SHARPIN: variants seen among roughly 807,000 people sequenced by gnomAD.
SHARPIN encodes the protein hSIPL1.
SHARPIN carries 25 observed loss-of-function variants against 40.3 expected under a neutral mutation model. The ratio of observed to expected loss-of-function variants is 0.62; its 90% CI spans 0.45 to 0.87. The LOEUF is 0.87. Ranked by LOEUF, SHARPIN falls within the 40% of genes least tolerant of loss-of-function variation. SHARPIN has a pLI of 0.00. For synonymous variants in SHARPIN, 274 were observed against 221.8 expected (o/e 1.24, Z -2.09); for missense variants, 551 against 516.1 (o/e 1.07, Z -0.66).
Position 144,103,072 on chromosome 8 carries a change from C to T in SHARPIN, c.355G>A (p.Ala119Thr), listed in dbSNP as rs751182815. The T allele has an allele frequency of 5.0e-6, 8 of 1,612,756 alleles. No individual in the cohort carries two copies. In the East Asian group the frequency reaches 1.1e-4, roughly 22 times the overall value. ...TGACCATTCTGTCCTTCCACGGTGG[C>T]ACCTCGGACTAGGACTGCCCACCGC... ...AQRWAVLVRG[A>T]TVEGQNGSKS... Residue 119 changes from alanine to threonine, a missense_variant, in exon 2 of 9, where the codon GCC (alanine) becomes ACC (threonine). Ala to Thr is a moderately conservative substitution (Grantham distance 58). Coordinates refer to ENST00000398712, the MANE Select transcript of SHARPIN (RefSeq NM_030974.4).
Position 144,099,211 on chromosome 8 carries a change from G to C in SHARPIN, c.923-6C>G, listed in dbSNP as rs1219925866. The stretch of plus-strand genomic sequence containing the variant: ...CTGAGGGCTAGGTCCTGTGGCTGAG[G>C]GGGTGGAGCTCAGGACTGTGGGGCT... On this transcript the variant is annotated splice_polypyrimidine_tract_variant and splice_region_variant and intron_variant, in intron 6 of 8. Transcript: ENST00000398712. 11 of 1,607,660 alleles carry C rather than the reference G, an allele frequency of 6.8e-6. No individual in the cohort carries two copies. Among genetic ancestry groups the C allele is most frequent in the East Asian group, 2.2e-5 (1 of 44,854 alleles).
At chr8:144,099,675 A>T in intron 4 of SHARPIN, 28 bp downstream of exon 4, 1 of 1,613,166 alleles carries the variant, frequency 6.2e-7, no homozygotes, top group Admixed American at 1.7e-5. Flanking sequence ...TCACGAGGAC[A>T]AGGTGAAGAA....
chr8:144,100,072 A>G lies in SHARPIN; in HGVS notation c.377-3T>C. Reference sequence around the variant, plus strand: ...TGGTGGTGAGTTGCTCTTGCTGCCTAGAGGTAAGATATGGGTGTGCTGTGC... The same window carrying G: ...TGGTGGTGAGTTGCTCTTGCTGCCTGGAGGTAAGATATGGGTGTGCTGTGC... On this transcript the variant is annotated splice_region_variant and splice_polypyrimidine_tract_variant and intron_variant, in intron 2 of 8. Coordinates refer to ENST00000398712, the MANE Select transcript of SHARPIN (RefSeq NM_030974.4). 6.4e-7 allele frequency: 1 copy of G among 1,568,444 alleles called. No homozygotes were observed. Among genetic ancestry groups the G allele is most frequent in the Non-Finnish European group, 8.6e-7 (1 of 1,157,848 alleles).
At chr8:144,102,798 A>C in intron 2 of SHARPIN, 1 of 611,486 alleles carries the variant, frequency 1.6e-6, no homozygotes, top group Non-Finnish European at 2.9e-6. Flanking sequence ...CTGAGGGTTA[A>C]GGAAGTGCAG....
chr8:144,103,503 G>A (rs996504715), intron 1 of SHARPIN, 50 bp downstream of exon 1: 13 of 1,513,690 alleles, frequency 8.6e-6, no homozygotes, highest in African/African-American at 1.4e-5. Flanking sequence ...TGGGCTCCGT[G>A]CCCTGCCCGG....
chr8:144,103,293 A>C, intron 1 of SHARPIN, 68 bp from the exon 2 acceptor site: 1 of 1,499,934 alleles, frequency 6.7e-7, no homozygotes, highest in Non-Finnish European at 9.0e-7. Context: ...GCAAAGAAAT[A>C]CAAGGTAACA....
chr8:144,099,919 C>T lies in SHARPIN; in HGVS notation c.517+10G>A, dbSNP rs200698932. ...CCCCGAACCCCCCAACCCCCTCCCCCCACCTGTACCTCTCTCCGTCAAGTT... is the reference window on the plus strand; with the variant it reads ...CCCCGAACCCCCCAACCCCCTCCCCTCACCTGTACCTCTCTCCGTCAAGTT... On this transcript the variant is annotated intron_variant, in intron 3 of 8. Coordinates refer to ENST00000398712, the MANE Select transcript of SHARPIN (RefSeq NM_030974.4). The T allele has an allele frequency of 3.1e-6, 5 of 1,609,672 alleles. No individual in the cohort carries two copies. The highest frequency in any genetic ancestry group is 1.3e-5 in the African/African-American group (1 of 74,890).
intron 2 of SHARPIN, among the ~76,000 whole-genome samples, chr8:144,101,684 G>A (rs545587657): frequency 4.2e-4 from 62 of 149,306 alleles, no homozygotes; most frequent in African/African-American, 1.4e-3. Flanking sequence ...CCAAAGTGCT[G>A]TGATTACAGG....
chr8:144,103,442 G>T, intron 1 of SHARPIN, 111 bp downstream of exon 1: 1 of 1,227,680 alleles, frequency 8.1e-7, no homozygotes, highest in Non-Finnish European at 1.1e-6. Context: ...CAGAAGCAAA[G>T]AAACATAACT....
At chr8:144,102,275 C>CTTTT (rs11433813) in intron 2 of SHARPIN, among the ~76,000 whole-genome samples, 5 of 136,686 alleles carry the variant, frequency 3.7e-5, no homozygotes, top group African/African-American at 1.1e-4. Flanking sequence ...ATTCCATCTT[C>CTTTT]TTTTTTTTTT....
rs1442312912 is a variant in SHARPIN at position 144,099,550 on chromosome 8, T to G, written c.728A>C (p.Gln243Pro). Residue 243 changes from glutamine (Q) to proline (P), a missense_variant, in exon 5 of 9, where the codon CAG (glutamine) becomes CCG (proline). Transcript: ENST00000398712. ...SAASSAHVAL[Q>P]VHPHCTVAAL... ...TGCAACAGTGCAGTGGGGGTGGACC[T>G]GCAGGGCAACGTGTGCAGAGGACGC... 6.2e-7 allele frequency: 1 copy of G among 1,614,066 alleles called. No homozygotes were observed. The highest frequency in any genetic ancestry group is 8.5e-7 in the Non-Finnish European group (1 of 1,179,998).
chr8:144,101,975 G>A (rs1345661383), intron 2 of SHARPIN, among the ~76,000 whole-genome samples: 1 of 152,268 alleles, frequency 6.6e-6, no homozygotes, highest in East Asian at 1.9e-4. Flanking sequence ...CTACCCCTCT[G>A]GCAGCTCTGC....
At position 144,099,698 on chromosome 8, in the gene SHARPIN, C is replaced by A. The variant is rs1279060711; in HGVS notation, c.659+5G>T. 1 of 1,613,486 alleles carries A rather than the reference C, an allele frequency of 6.2e-7. No individual in the cohort carries two copies. Among genetic ancestry groups the A allele is most frequent in the African/African-American group, 1.3e-5 (1 of 74,922 alleles). On this transcript the variant is annotated splice_donor_5th_base_variant and intron_variant, in intron 4 of 8. Coordinates refer to ENST00000398712, the MANE Select transcript of SHARPIN (RefSeq NM_030974.4). ...ACAAGGTGAAGAAGCAGCCCCAGGC[C>A]TCACCTGATGGGGCCAGGTGGGAAG...
chr8:144,099,488 G>T (rs1422386268), intron 5 of SHARPIN, 22 bp downstream of exon 5: 1 of 1,610,594 alleles, frequency 6.2e-7, no homozygotes, highest in Admixed American at 1.7e-5. Context: ...CCCTGGCAGG[G>T]CTCCCCAGAC....
intron 2 of SHARPIN, among the ~76,000 whole-genome samples, chr8:144,101,325 C>A (rs1443994099): frequency 6.6e-6 from 1 of 151,770 alleles, no homozygotes; most frequent in African/African-American, 2.4e-5. Context: ...CAGCCTAGAA[C>A]CCCTGGGCTC....
At position 144,103,210 on chromosome 8, in the gene SHARPIN, G is replaced by A. The variant is rs1338229587; in HGVS notation, c.217C>T (p.Pro73Ser). The A allele has an allele frequency of 2.5e-6, 4 of 1,608,516 alleles. No individual in the cohort carries two copies. The highest frequency in any genetic ancestry group is 2.2e-5 in the East Asian group (1 of 44,816). Reference protein sequence around the residue: ...AGPGAVNLEWPLESVSYTIRG... With the variant: ...AGPGAVNLEWSLESVSYTIRG... ...ATGGTGTAGGAAACTGACTCCAGGGGCCACTCCAAATTAACCTGAGAAGAG... is the reference window on the plus strand; with the variant it reads ...ATGGTGTAGGAAACTGACTCCAGGGACCACTCCAAATTAACCTGAGAAGAG... Residue 73 changes from proline (P) to serine (S), a missense_variant, in exon 2 of 9, where the codon CCC becomes TCC. Pro to Ser is a moderately conservative substitution (Grantham distance 74). Coordinates refer to ENST00000398712, the MANE Select transcript of SHARPIN (RefSeq NM_030974.4).
At chr8:144,100,903 T>G (rs371467612) in intron 2 of SHARPIN, 32 of 150,040 alleles carry the variant, frequency 2.1e-4, no homozygotes, top group African/African-American at 7.4e-4. Flanking sequence ...TGGTGTGATC[T>G]CGGCTCACCG....
Position 144,100,044 on chromosome 8 carries a change from G to A in SHARPIN, c.402C>T (p.Ala134=), listed in dbSNP as rs1246792256. 5 of 1,585,538 alleles carry A rather than the reference G, an allele frequency of 3.2e-6. No homozygotes were observed. Among genetic ancestry groups the A allele is most frequent in the Non-Finnish European group, 4.3e-6 (5 of 1,165,774 alleles). ...AGACAGGGCATGCTTCTGGGCCCAA[G>A]GCTGGTGGTGAGTTGCTCTTGCTGC... ...QNGSKSNSPP[A]LGPEACPVSL... is the part of the protein sequence containing the mutation. The change falls in exon 3 of 9, where the codon GCC becomes GCT. Residue 134 remains alanine, a synonymous_variant. Coordinates refer to ENST00000398712, the MANE Select transcript of SHARPIN (RefSeq NM_030974.4).
At chr8:144,102,944 C>G (rs967465009) in intron 2 of SHARPIN, 107 bp downstream of exon 2, 2 of 1,403,586 alleles carry the variant, frequency 1.4e-6, no homozygotes, top group South Asian at 1.2e-5. Flanking sequence ...CTCCTGGAAG[C>G]CTTCCCAGAC....
Sources: gnomAD v4.1 joint callset for allele counts (sites outside exome capture counted in the v4.1 genomes callset) on GRCh38, gnomAD v4.1.1 for gene constraint, MANE v1.5 for transcripts, NCBI Gene and HGNC (gene_info 2026-07-23, HGNC 2026-07-21) for gene names.